Variants in SRGAP2 observed in about 807,000 individuals in gnomAD.
The protein encoded by SRGAP2 is SLIT-ROBO Rho GTPase-activating protein 2.
SRGAP2 carries 15 observed loss-of-function variants against 57.2 expected under a neutral mutation model. That is an observed-to-expected ratio of 0.26 (90% confidence interval 0.18 to 0.40). The LOEUF is 0.40. Among genes scored for constraint, SRGAP2 ranks in the 10% least tolerant of loss-of-function variants. The pLI, the probability that SRGAP2 is intolerant of heterozygous loss-of-function variation, is 1.00. For missense variants in SRGAP2, 520 were observed against 669.6 expected (o/e 0.78, Z 2.47); for synonymous variants, 249 against 248.0 (o/e 1.00, Z -0.04).
chr1:206,428,675 T>G (rs1553367224), intron 13 of SRGAP2, among the ~76,000 whole-genome samples: 1 of 152,106 alleles, frequency 6.6e-6, no homozygotes, highest in Non-Finnish European at 1.5e-5. Flanking sequence ...TTTCTTTTTC[T>G]TTTTTGAGAC....
chr1:206,459,345 C>T (rs1439577765), intron 22 of SRGAP2, among the ~76,000 whole-genome samples: 1 of 151,358 alleles, frequency 6.6e-6, no homozygotes, highest in Non-Finnish European at 1.5e-5. Context: ...ATTGCTGTGC[C>T]CATCACCATC....
chr1:206,221,351 A>G (rs1666978275), intron 2 of SRGAP2, among the ~76,000 whole-genome samples: 1 of 151,368 alleles, frequency 6.6e-6, no homozygotes, highest in Non-Finnish European at 1.5e-5. Context: ...TCTGTTGATT[A>G]TAACACAATG....
At chr1:206,420,066 T>C (rs1660162114) in intron 12 of SRGAP2, among the ~76,000 whole-genome samples, 1 of 152,140 alleles carries the variant, frequency 6.6e-6, no homozygotes, top group Non-Finnish European at 1.5e-5. Flanking sequence ...TATTCATTCA[T>C]CCAGCAGTTC....
intron 4 of SRGAP2, among the ~76,000 whole-genome samples, chr1:206,371,647 C>T (rs1342730336): frequency 2.0e-5 from 3 of 151,142 alleles, no homozygotes; most frequent in Non-Finnish European, 4.4e-5. Flanking sequence ...AGGAGAATGG[C>T]GTGAATCCGG....
intron 2 of SRGAP2, among the ~76,000 whole-genome samples, chr1:206,247,090 GC>G (rs1668542798): frequency 7.2e-6 from 1 of 138,604 alleles, no homozygotes; most frequent in Non-Finnish European, 1.6e-5. Context: ...GGCTGCGCCA[GC>G]AGCATTTCAC....
At chr1:206,260,453 C>T (rs1669482310) in intron 2 of SRGAP2, among the ~76,000 whole-genome samples, 2 of 152,038 alleles carry the variant, frequency 1.3e-5, no homozygotes, top group Non-Finnish European at 2.9e-5. Flanking sequence ...CTGTAGAACC[C>T]CTGCTCCTTA....
intron 7 of SRGAP2, among the ~76,000 whole-genome samples, chr1:206,399,162 G>C (rs781882650): frequency 6.6e-5 from 10 of 152,260 alleles, no homozygotes; most frequent in Non-Finnish European, 1.3e-4. Flanking sequence ...CATTGGATTA[G>C]AGCAGATGAA....
intron 2 of SRGAP2, among the ~76,000 whole-genome samples, chr1:206,287,099 G>A (rs1475461252): frequency 6.6e-6 from 1 of 152,178 alleles, no homozygotes; most frequent in Non-Finnish European, 1.5e-5. Context: ...TTTGAAGGTG[G>A]AGCTGATAGG....
intron 2 of SRGAP2, among the ~76,000 whole-genome samples, chr1:206,266,727 T>G (rs372693523): frequency 0.011 from 1,672 of 150,272 alleles, 4 homozygotes; most frequent in Middle Eastern, 0.034. Context: ...ATTGGAGGTC[T>G]TCTTCTGGAT....
At chr1:206,291,759 C>A (rs1229379572) in intron 2 of SRGAP2, among the ~76,000 whole-genome samples, 6 of 149,074 alleles carry the variant, frequency 4.0e-5, no homozygotes, top group Non-Finnish European at 8.8e-5. Context: ...GGACAGTTTA[C>A]CTTTCCATAA....
intron 14 of SRGAP2, among the ~76,000 whole-genome samples, chr1:206,436,079 A>G (rs1553369896): frequency 1.4e-5 from 2 of 145,740 alleles, no homozygotes; most frequent in East Asian, 1.9e-4. Flanking sequence ...TTACAATATT[A>G]CGAGATTTTG....
intron 5 of SRGAP2, among the ~76,000 whole-genome samples, chr1:206,386,631 A>G (rs1363227057): frequency 8.5e-6 from 1 of 117,548 alleles, no homozygotes; most frequent in Non-Finnish European, 1.7e-5. Flanking sequence ...CCCTGTCTCT[A>G]CTAAAAATAC....
chr1:206,381,334 G>A (rs1173504301), intron 4 of SRGAP2, among the ~76,000 whole-genome samples: 7 of 138,110 alleles, frequency 5.1e-5, no homozygotes, highest in Admixed American at 1.5e-4. Context: ...GTTAAGAAAC[G>A]ATAGGCTGGC....
intron 2 of SRGAP2, among the ~76,000 whole-genome samples, chr1:206,244,955 GTTC>G (rs1668456990): frequency 1.3e-5 from 2 of 149,350 alleles, no homozygotes; most frequent in South Asian, 4.4e-4. Flanking sequence ...TGAACAGCAT[GTTC>G]TTGTTTATGT....
In SRGAP2 at chr1:206,461,052, A is replaced by G. The variant is rs1423679644; in HGVS notation, c.2848A>G (p.Met950Val). 7.1e-6 allele frequency: 5 copies of G among 705,374 alleles called. No homozygotes were observed. In the African/African-American group the frequency reaches 8.8e-5, roughly 12 times the overall value. The allele number at this position is 705,374 out of a possible 1,614,324, so 43.7% of individuals were successfully genotyped here. ...TGTTTTGCAGGATATTGAGGCAACAATGAACTCGGCCCTGAATGAGCTACG... is the reference window on the plus strand; with the variant it reads ...TGTTTTGCAGGATATTGAGGCAACAGTGAACTCGGCCCTGAATGAGCTACG... ...EVIAQDIEAT[M>V]NSALNELREL... is the part of the protein sequence containing the mutation. The change falls in exon 23 of 23, where the codon ATG (methionine) becomes GTG (valine). Residue 950 changes from methionine to valine, a missense_variant. By Grantham distance (21) the Met-to-Val change is conservative. Around this residue, in one of 5 missense-constraint regions of SRGAP2, gnomAD observed 478 missense variants for 373.6 expected, o/e 1.28. Coordinates refer to ENST00000573034, the MANE Select transcript of SRGAP2 (RefSeq NM_015326.5).
chr1:206,323,162 A>G (rs376867945), intron 3 of SRGAP2, among the ~76,000 whole-genome samples: 1 of 149,916 alleles, frequency 6.7e-6, no homozygotes, highest in South Asian at 2.1e-4. Flanking sequence ...AAACCATAGC[A>G]TCCCTCAACC....
chr1:206,450,017 C>A (rs1355480733), intron 18 of SRGAP2, among the ~76,000 whole-genome samples: 6 of 152,172 alleles, frequency 3.9e-5, no homozygotes, highest in African/African-American at 1.4e-4. Context: ...TGCCGAAACC[C>A]AGTGTTTCCC....
chr1:206,395,348 GC>G (rs1657476980), intron 7 of SRGAP2, among the ~76,000 whole-genome samples: 1 of 140,290 alleles, frequency 7.1e-6, no homozygotes, highest in African/African-American at 3.0e-5. Context: ...GCCACTTAAT[GC>G]CCTAGGTGTC....
intron 3 of SRGAP2, among the ~76,000 whole-genome samples, chr1:206,331,395 G>A (rs1253555620): frequency 3.3e-4 from 13 of 39,436 alleles, no homozygotes; most frequent in African/African-American, 1.5e-3. Context: ...TCTGTCTAAT[G>A]TTGACAGTGG....
Sources: allele counts gnomAD v4.1 joint callset (sites outside exome capture counted in the v4.1 genomes callset), GRCh38; gene constraint gnomAD v4.1.1; regional missense constraint gnomAD v4.1.1; transcripts MANE v1.5; gene names NCBI Gene and HGNC (gene_info 2026-07-23, HGNC 2026-07-21).